The following TANK variants were observed in gnomAD, a reference collection of about 807,000 sequenced individuals.
The protein encoded by TANK is TRAF family member-associated NF-kappa-B activator.
TANK carries 15 observed loss-of-function variants against 43.6 expected under a neutral mutation model. The ratio of observed to expected loss-of-function variants is 0.34; its 90% CI spans 0.23 to 0.53. The LOEUF (loss-of-function observed/expected upper bound fraction) is 0.53, where lower values mean the gene tolerates loss of function less well. TANK is among the 20% of genes least tolerant of loss of function. The pLI is 0.94. For missense variants in TANK, 417 were observed against 498.6 expected (o/e 0.84, Z 1.56); for synonymous variants, 162 against 178.2 (o/e 0.91, Z 0.73).
intron 4 of TANK, among the ~76,000 whole-genome samples, chr2:161,216,071 T>G (rs558323044): frequency 6.6e-6 from 1 of 152,212 alleles, no homozygotes; most frequent in Admixed American, 6.5e-5. Flanking sequence ...TTTCCTGTTA[T>G]GTTTGTCAAT....
chr2:161,168,366 T>A (rs1684787858), intron 1 of TANK, among the ~76,000 whole-genome samples: 1 of 152,046 alleles, frequency 6.6e-6, no homozygotes. Context: ...GGAAAGAAAT[T>A]GCCCCAAAAA....
intron 7 of TANK, among the ~76,000 whole-genome samples, chr2:161,233,388 C>A (rs1002487615): frequency 6.6e-6 from 1 of 151,826 alleles, no homozygotes; most frequent in African/African-American, 2.4e-5. Context: ...CAGAGCAAGA[C>A]CCTGTCTCAA....
intron 4 of TANK, among the ~76,000 whole-genome samples, chr2:161,206,258 A>G (rs1686649150): frequency 6.6e-6 from 1 of 152,166 alleles, no homozygotes; most frequent in African/African-American, 2.4e-5. Context: ...AAATTTTATA[A>G]GTTTGAAAAG....
intron 4 of TANK, chr2:161,212,737 A>G (rs1363157450): frequency 2.0e-6 from 2 of 985,192 alleles, no homozygotes; most frequent in Admixed American, 1.2e-4. Flanking sequence ...AGAGTCGATA[A>G]GAGTCTATCC....
chr2:161,160,493 A>G lies in TANK; in HGVS notation c.-50+7A>G, dbSNP rs1684366030. On this transcript the variant is annotated splice_region_variant and intron_variant, in intron 1 of 7. Coordinates refer to ENST00000392749, the MANE Select transcript of TANK (RefSeq NM_001199135.3). ...AGCTGAAAGCGTGAACTGTGTGAGT[A>G]AGAAACTTTGTGAATTGGTGTGTCC... 1 of 1,257,402 alleles carries G rather than the reference A, an allele frequency of 8.0e-7. No individual in the cohort carries two copies. Among genetic ancestry groups the G allele is most frequent in the Non-Finnish European group, 1.0e-6 (1 of 999,712 alleles). 77.9% of individuals were successfully genotyped at this position (1,257,402 alleles called of 1,614,324 possible).
chr2:161,140,899 T>C lies in TANK; in HGVS notation c.-50+3836T>C, dbSNP rs117003405. Among the ~76,000 whole-genome samples the C allele has an allele frequency of 8.9e-4, 135 of 152,186 alleles. 2 individuals carry two copies. In the East Asian group the frequency reaches 0.025, roughly 28 times the overall value. Reference sequence around the variant, plus strand: ...GCGAACACTGCAGAGAATTCACATATACCACCCTTCCTACCCCCACCACTC... The same window carrying C: ...GCGAACACTGCAGAGAATTCACATACACCACCCTTCCTACCCCCACCACTC... On this transcript the variant is annotated intron_variant, in intron 1 of 7. Coordinates refer to the TANK transcript ENST00000259075.
chr2:161,205,788 GGTTTT>G (rs959187103), intron 4 of TANK, among the ~76,000 whole-genome samples: 3 of 151,970 alleles, frequency 2.0e-5, no homozygotes, highest in South Asian at 4.1e-4. Context: ...TGTTGTTGTT[GGTTTT>G]GTTTTGTTTT....
At chr2:161,177,306 T>G (rs1685213024) in intron 1 of TANK, among the ~76,000 whole-genome samples, 1 of 152,168 alleles carries the variant, frequency 6.6e-6, no homozygotes, top group African/African-American at 2.4e-5. Flanking sequence ...GCCTGGTAAA[T>G]TACTTAAAAT....
At position 161,167,643 on chromosome 2, in the gene TANK, G is replaced by A. The variant is rs541540308; in HGVS notation, c.-50+7157G>A. Among the ~76,000 whole-genome samples, 419 of 151,944 alleles carry A rather than the reference G, an allele frequency of 2.8e-3. 2 individuals carry two copies. The highest frequency in any genetic ancestry group is 9.6e-3 in the African/African-American group (398 of 41,350). On this transcript the variant is annotated intron_variant, in intron 1 of 7. Transcript: ENST00000392749. ...TTGTTTGTTTGTTTTTGTTTTTTGA[G>A]ATGGAGTCTCTCTCTGTCACCCAGG...
intron 1 of TANK, among the ~76,000 whole-genome samples, chr2:161,178,782 GGTACCCAATATAACTGAT>G (rs1321693296): frequency 1.3e-5 from 2 of 152,032 alleles, no homozygotes; most frequent in African/African-American, 4.8e-5. Flanking sequence ...GAAATAACTC[GGTACCCAATATAACTGAT>G]AGAGAACTTT....
At chr2:161,143,312 A>C (rs574109688) in intron 1 of TANK, among the ~76,000 whole-genome samples, 2 of 152,026 alleles carry the variant, frequency 1.3e-5, no homozygotes, top group African/African-American at 2.4e-5. Flanking sequence ...AATACGCTTT[A>C]TTTCTTTCTC....
intron 1 of TANK, among the ~76,000 whole-genome samples, chr2:161,165,702 C>T (rs1684648336): frequency 1.3e-5 from 2 of 152,138 alleles, no homozygotes; most frequent in Non-Finnish European, 2.9e-5. Context: ...ATGCAAAGTC[C>T]TTCTTTATAT....
chr2:161,228,156 C>T (rs748313948), intron 6 of TANK, among the ~76,000 whole-genome samples: 2 of 152,318 alleles, frequency 1.3e-5, no homozygotes, highest in Non-Finnish European at 2.9e-5. Context: ...CTTGGAAATA[C>T]AGTCATGTGC....
intron 1 of TANK, among the ~76,000 whole-genome samples, chr2:161,144,928 G>C (rs1683860971): frequency 6.6e-6 from 1 of 152,094 alleles, no homozygotes; most frequent in Non-Finnish European, 1.5e-5. Context: ...TTGTGTGGGA[G>C]TCTAAGTCAC....
Position 161,235,354 on chromosome 2 carries a change from C to T in TANK, c.1114C>T (p.Pro372Ser), listed in dbSNP as rs749360703. Residue 372 changes from proline to serine, a missense_variant, in exon 8 of 8, where the codon CCC becomes TCC. Physicochemically the swap from Pro to Ser is moderately conservative, Grantham distance 74. Transcript: ENST00000392749. ...TTGTTTCCTGCAGCCCATTTGGAAGCCCTTTCCTAATCAAGACAGTGACTC... is the reference window on the plus strand; with the variant it reads ...TTGTTTCCTGCAGCCCATTTGGAAGTCCTTTCCTAATCAAGACAGTGACTC... ...IRGPQQPIWKPFPNQDSDSVV... is the reference protein window; with the variant it reads ...IRGPQQPIWKSFPNQDSDSVV... The T allele has an allele frequency of 2.0e-5, 32 of 1,594,796 alleles. No homozygotes were observed. The African/African-American group carries it at 4.1e-4, about 20-fold the overall frequency.
intron 1 of TANK, 98 bp downstream of exon 1, chr2:161,160,584 G>A: frequency 1.2e-5 from 12 of 1,001,354 alleles, no homozygotes; most frequent in Non-Finnish European, 1.6e-5. Context: ...TGACAGTAGG[G>A]GCGCCGCAGG....
At chr2:161,224,111 G>A in intron 5 of TANK, 120 bp downstream of exon 5, 1 of 621,118 alleles carries the variant, frequency 1.6e-6, no homozygotes. Flanking sequence ...ATAAGTGGAA[G>A]TGACCAACCC....
Position 161,137,025 on chromosome 2 carries a change from G to A in TANK, c.-88G>A, listed in dbSNP as rs115052720. 4.7e-4 allele frequency: 460 copies of A among 985,356 alleles called. 1 individual carries two copies. The African/African-American group carries it at 7.7e-3, about 17-fold the overall frequency. 61.0% of individuals were successfully genotyped at this position (985,356 alleles called of 1,614,324 possible). A position where few individuals can be genotyped will look rare whatever the true frequency, so the allele number is the denominator to read the frequency against. ...TGTAACTGTCTTCATCTTTACAGAG[G>A]AATAGTCTACAAAGGAAGACTTGTA... On this transcript the variant is annotated 5_prime_UTR_variant, in exon 1 of 8. Coordinates refer to the TANK transcript ENST00000259075.
intron 4 of TANK, among the ~76,000 whole-genome samples, chr2:161,209,447 A>T (rs1487149092): frequency 1.3e-5 from 2 of 152,218 alleles, no homozygotes; most frequent in Non-Finnish European, 2.9e-5. Flanking sequence ...CTATAAAAAT[A>T]CAAAACTATA....
Sources: gnomAD v4.1 joint callset for allele counts (sites outside exome capture counted in the v4.1 genomes callset) on GRCh38, gnomAD v4.1.1 for gene constraint, MANE v1.5 for transcripts, NCBI Gene and HGNC (gene_info 2026-07-23, HGNC 2026-07-21) for gene names.